The following RALGAPA1 variants were observed in gnomAD, a reference collection of about 807,000 sequenced individuals.
RALGAPA1 encodes Ral GTPase activating protein catalytic subunit alpha 1.
A neutral mutation model predicts 269.6 loss-of-function variants in RALGAPA1; 52 were observed. The ratio of observed to expected loss-of-function variants is 0.19; its 90% CI spans 0.15 to 0.24. The LOEUF (loss-of-function observed/expected upper bound fraction) is 0.24, where lower values mean the gene tolerates loss of function less well. Ranked by LOEUF, RALGAPA1 falls within the 10% of genes least tolerant of loss-of-function variation. RALGAPA1 has a pLI of 1.00. For synonymous variants in RALGAPA1, 817 were observed against 1,008.3 expected, an observed-to-expected ratio of 0.81 and a Z score of 3.60; for missense variants, 1,917 against 3,013.9, an observed-to-expected ratio of 0.64 and a Z score of 8.52.
intron 29 of RALGAPA1, 39 bp downstream of exon 29, chr14:35,655,768 C>T (rs1034210480): frequency 6.3e-7 from 1 of 1,593,214 alleles, no homozygotes; most frequent in African/African-American, 1.4e-5. Flanking sequence ...TATGCATTCT[C>T]TCCTATCTTA....
intron 17 of RALGAPA1, among the ~76,000 whole-genome samples, chr14:35,697,511 AG>A (rs1485067492): frequency 7.2e-5 from 11 of 151,798 alleles, no homozygotes; most frequent in Admixed American, 3.3e-4. Context: ...AAGCCTGGCT[AG>A]TTTTTTTGTA....
At position 35,672,903 on chromosome 14, in the gene RALGAPA1, G is replaced by A. The variant is rs1236010254; in HGVS notation, c.5037C>T (p.Tyr1679=). The A allele has an allele frequency of 6.4e-7, 1 of 1,566,644 alleles. No homozygotes were observed. The highest frequency in any genetic ancestry group is 1.9e-5 in the Admixed American group (1 of 51,746). Reference sequence around the variant, plus strand: ...GAAGTAATCCACAATGCATTATATTGTAGAAATGTGTTAGAAAATCTCTAT... The same window carrying A: ...GAAGTAATCCACAATGCATTATATTATAGAAATGTGTTAGAAAATCTCTAT... The part of the protein sequence containing the change: ...SPNRDFLTHF[Y]NIMHCGLLHI... The change falls in exon 25 of 42, where the codon TAC becomes TAT. Residue 1679 remains tyrosine (Y), a synonymous_variant. Transcript: ENST00000680220.
Position 35,654,302 on chromosome 14 carries a change from A to G in RALGAPA1, c.5607+65T>C, listed in dbSNP as rs1199629533. Reference sequence around the variant, plus strand: ...TTTAAAACTATTAAATAATTTTACAATTCAAAGTATCCAAATCTAAAAAAA... The same window carrying G: ...TTTAAAACTATTAAATAATTTTACAGTTCAAAGTATCCAAATCTAAAAAAA... On this transcript the variant is annotated intron_variant, in intron 30 of 41. Coordinates refer to ENST00000680220, the MANE Select transcript of RALGAPA1 (RefSeq NM_001346249.2). The G allele has an allele frequency of 4.2e-6, 6 of 1,434,210 alleles. No homozygotes were observed. In the South Asian group the frequency reaches 9.0e-5, roughly 22 times the overall value. 88.8% of individuals were successfully genotyped at this position (1,434,210 alleles called of 1,614,324 possible).
At chr14:35,677,807 A>G in intron 22 of RALGAPA1, 143 bp downstream of exon 22, 1 of 720,092 alleles carries the variant, frequency 1.4e-6, no homozygotes, top group Non-Finnish European at 2.2e-6. Flanking sequence ...AAAAAGTTAC[A>G]TTAACAAATT....
intron 39 of RALGAPA1, among the ~76,000 whole-genome samples, chr14:35,568,684 T>C (rs1166671470): frequency 1.3e-5 from 2 of 152,198 alleles, no homozygotes; most frequent in Non-Finnish European, 2.9e-5. Flanking sequence ...AACTGATTGC[T>C]GGCTGAGCTC....
intron 31 of RALGAPA1, among the ~76,000 whole-genome samples, chr14:35,638,587 G>T (rs1454592293): frequency 6.6e-6 from 1 of 152,032 alleles, no homozygotes; most frequent in East Asian, 1.9e-4. Context: ...AAAACAACAA[G>T]AAAATAAATA....
chr14:35,626,164 C>T (rs903257331), intron 34 of RALGAPA1, among the ~76,000 whole-genome samples: 6 of 152,196 alleles, frequency 3.9e-5, no homozygotes, highest in Admixed American at 3.9e-4. Flanking sequence ...AACGGCTTTC[C>T]TATATTCCTT....
chr14:35,766,664 T>G, intron 4 of RALGAPA1: 1 of 684,406 alleles, frequency 1.5e-6, no homozygotes, highest in Non-Finnish European at 2.8e-6. Flanking sequence ...GAGGAAGAAT[T>G]CTCTCAGGAA....
intron 35 of RALGAPA1, among the ~76,000 whole-genome samples, 200 bp downstream of exon 35, chr14:35,625,150 CAAAAAAAAAAA>C (rs35013388): frequency 5.0e-5 from 3 of 59,928 alleles, no homozygotes; most frequent in Non-Finnish European, 7.0e-5. Flanking sequence ...GACTCTGTCT[CAAAAAAAAAAA>C]AAAAAAAAAA....
Position 35,689,647 on chromosome 14 carries a change from C to T in RALGAPA1, c.2764G>A (p.Asp922Asn). 2 of 1,269,054 alleles carry T rather than the reference C, an allele frequency of 1.6e-6. No homozygotes were observed. Among genetic ancestry groups the T allele is most frequent in the Non-Finnish European group, 2.0e-6 (2 of 1,009,486 alleles). 78.6% of individuals were successfully genotyped at this position (1,269,054 alleles called of 1,614,324 possible). Residue 922 changes from aspartate to asparagine, a missense_variant, in exon 18 of 42, where the codon GAT becomes AAT. Physicochemically the swap from Asp to Asn is conservative, Grantham distance 23. This residue lies in a region of RALGAPA1 where 615 missense variants were observed against 790.0 expected (regional missense o/e 0.78). Transcript: ENST00000680220. ...CHLIGPVELADSAFEQIQYID... is the reference protein window; with the variant it reads ...CHLIGPVELANSAFEQIQYID... ...TACTGGATTTGTTCAAAAGCTGAAT[C>T]TGCAAGTTCTACTGGACCTATTAAA...
intron 31 of RALGAPA1, among the ~76,000 whole-genome samples, chr14:35,643,636 G>C (rs2062183226): frequency 6.6e-6 from 1 of 152,194 alleles, no homozygotes; most frequent in African/African-American, 2.4e-5. Flanking sequence ...ACCAACCTAA[G>C]TGTCCATCAA....
chr14:35,724,976 ACAAC>A, intron 14 of RALGAPA1, 44 bp downstream of exon 14: 1 of 1,414,986 alleles, frequency 7.1e-7, no homozygotes, highest in African/African-American at 1.5e-5. Flanking sequence ...ACAAAACAAA[ACAAC>A]CCATATCTAT....
At chr14:35,798,055 T>C (rs2141880922) in intron 1 of RALGAPA1, among the ~76,000 whole-genome samples, 1 of 151,524 alleles carries the variant, frequency 6.6e-6, no homozygotes, top group Admixed American at 6.6e-5. Context: ...GTGCTTTTTG[T>C]AGAGGTGGGG....
intron 16 of RALGAPA1, among the ~76,000 whole-genome samples, chr14:35,717,520 T>C (rs1471449089): frequency 6.6e-6 from 1 of 152,214 alleles, no homozygotes; most frequent in Non-Finnish European, 1.5e-5. Context: ...GGTTAAATTT[T>C]ATAGTACTTC....
intron 33 of RALGAPA1, among the ~76,000 whole-genome samples, chr14:35,633,234 T>C (rs534200531): frequency 6.6e-6 from 1 of 152,306 alleles, no homozygotes; most frequent in East Asian, 1.9e-4. Context: ...ACCTTAAATG[T>C]GCAAAGGTCA....
At chr14:35,584,564 T>C (rs567782737) in intron 37 of RALGAPA1, among the ~76,000 whole-genome samples, 3 of 152,262 alleles carry the variant, frequency 2.0e-5, no homozygotes, top group Admixed American at 6.5e-5. Flanking sequence ...TGCACCCGGT[T>C]GGTATAGTGT....
chr14:35,619,815 G>A (rs12587519), intron 35 of RALGAPA1, among the ~76,000 whole-genome samples: 3,459 of 152,190 alleles, frequency 0.023, 127 homozygotes, highest in South Asian at 0.14. Flanking sequence ...TTGAATCTCC[G>A]AATAGACCAA....
chr14:35,700,386 A>G, intron 16 of RALGAPA1, 84 bp from the exon 17 acceptor site: 2 of 1,077,994 alleles, frequency 1.9e-6, no homozygotes, highest in South Asian at 2.5e-5. Flanking sequence ...AAAAAGCAGC[A>G]ACAGAGAAAA....
chr14:35,772,861 A>G (rs548332912), intron 3 of RALGAPA1, among the ~76,000 whole-genome samples: 77 of 152,320 alleles, frequency 5.1e-4, no homozygotes, highest in Admixed American at 4.5e-3. Flanking sequence ...GATGACATGC[A>G]TATTTTATAT....
Sources: allele counts gnomAD v4.1 joint callset (sites outside exome capture counted in the v4.1 genomes callset), GRCh38; gene constraint gnomAD v4.1.1; regional missense constraint gnomAD v4.1.1; transcripts MANE v1.5; gene names NCBI Gene and HGNC (gene_info 2026-07-23, HGNC 2026-07-21).